KIAA0232: variants seen among roughly 807,000 people sequenced by gnomAD.
The protein encoded by KIAA0232 is uncharacterized protein KIAA0232.
In KIAA0232, 27 loss-of-function variants were observed where a neutral mutation model predicts 122.0. The ratio of observed to expected loss-of-function variants is 0.22; its 90% confidence interval spans 0.16 to 0.31. The LOEUF (loss-of-function observed/expected upper bound fraction) is 0.31, where lower values mean the gene tolerates loss of function less well. KIAA0232 is among the 10% of genes least tolerant of loss of function. The pLI, the probability that KIAA0232 is intolerant of heterozygous loss-of-function variation, is 1.00. For synonymous variants in KIAA0232, 613 were observed against 587.6 expected (o/e 1.04, Z -0.63); for missense variants, 1,551 against 1,634.2 (o/e 0.95, Z 0.88).
At position 6,794,084 on chromosome 4, in the gene KIAA0232, C is replaced by T. The variant is rs145624909; in HGVS notation, c.-353-10439C>T. ...TTTATTGGGGGAATTAAGGGTAAGG[C>T]GAGAGGAAGCAGGAGTAGTATGTAG... On this transcript the variant is annotated intron_variant, in intron 1 of 9. Coordinates refer to ENST00000307659, the MANE Select transcript of KIAA0232 (RefSeq NM_014743.3). Among the ~76,000 whole-genome samples the T allele has an allele frequency of 1.5e-3, 222 of 152,200 alleles. 1 individual carries two copies. The highest frequency in any genetic ancestry group is 0.011 in the South Asian group (51 of 4,814).
intron 1 of KIAA0232, among the ~76,000 whole-genome samples, chr4:6,788,417 TTC>T (rs1220812769): frequency 6.6e-6 from 1 of 152,242 alleles, no homozygotes; most frequent in African/African-American, 2.4e-5. Flanking sequence ...TTCTCTCTCT[TTC>T]TGAGTCTTGG....
chr4:6,822,568 C>T (rs953020924), intron 2 of KIAA0232, among the ~76,000 whole-genome samples: 12 of 152,078 alleles, frequency 7.9e-5, no homozygotes, highest in Non-Finnish European at 2.9e-5. Context: ...CCTTTCATTA[C>T]ATTAGTTTTC....
At chr4:6,859,139 A>G (rs1367779302) in intron 6 of KIAA0232, among the ~76,000 whole-genome samples, 1 of 151,364 alleles carries the variant, frequency 6.6e-6, no homozygotes, top group Non-Finnish European at 1.5e-5. Context: ...AAGAAAAGAA[A>G]TGATTATCCA....
At chr4:6,830,533 G>C (rs1393686642) in intron 3 of KIAA0232, among the ~76,000 whole-genome samples, 30 of 150,438 alleles carry the variant, frequency 2.0e-4, no homozygotes, top group Admixed American at 1.9e-3. Context: ...TTAGGCTCCT[G>C]AGTAGCTAGA....
intron 2 of KIAA0232, among the ~76,000 whole-genome samples, chr4:6,807,307 C>G (rs1000443410): frequency 7.9e-5 from 12 of 152,152 alleles, no homozygotes; most frequent in African/African-American, 2.9e-4. Context: ...AAGTAGTAAT[C>G]TTATCTATAA....
At chr4:6,784,300 G>GT (rs1362459211) in intron 1 of KIAA0232, among the ~76,000 whole-genome samples, 9 of 152,262 alleles carry the variant, frequency 5.9e-5, no homozygotes, top group African/African-American at 2.2e-4. Context: ...GGGACAAGCA[G>GT]TTTTGGTAAT....
intron 3 of KIAA0232, among the ~76,000 whole-genome samples, chr4:6,830,376 C>T (rs927451910): frequency 6.6e-6 from 1 of 150,416 alleles, no homozygotes; most frequent in East Asian, 1.9e-4. Flanking sequence ...ATCAGTGCCC[C>T]GTCTTTTAGC....
chr4:6,868,786 T>C (rs929867441), intron 7 of KIAA0232, among the ~76,000 whole-genome samples: 1 of 152,164 alleles, frequency 6.6e-6, no homozygotes, highest in Non-Finnish European at 1.5e-5. Flanking sequence ...AGTGGAGAGA[T>C]GTCATAACAA....
At position 6,863,367 on chromosome 4, in the gene KIAA0232, A is replaced by G. The variant is rs1235447621; in HGVS notation, c.2985A>G (p.Ser995=). ...GGCAGTTATGGAAACCCTTCGTGTC[A>G]TTTGAACAGAATGATCAGCCGAAGA... ...GHRQLWKPFV[S]FEQNDQPKSG... is the part of the protein sequence containing the mutation. The change falls in exon 7 of 10, where the codon TCA becomes TCG. Residue 995 remains serine (S), a synonymous_variant. Coordinates refer to ENST00000307659, the MANE Select transcript of KIAA0232 (RefSeq NM_014743.3). 1.2e-6 allele frequency: 2 copies of G among 1,614,208 alleles called. No homozygotes were observed. The highest frequency in any genetic ancestry group is 1.7e-6 in the Non-Finnish European group (2 of 1,180,034).
At chr4:6,871,819 T>TGG in intron 8 of KIAA0232, 137 bp downstream of exon 8, 1 of 615,194 alleles carries the variant, frequency 1.6e-6, no homozygotes, top group Non-Finnish European at 2.9e-6. Context: ...TGTCATGCAC[T>TGG]GGGGACACAG....
Position 6,821,040 on chromosome 4 carries a change from A to G in KIAA0232, c.-269-3145A>G, listed in dbSNP as rs546622768. 2.0e-5 allele frequency among the ~76,000 whole-genome samples: 3 copies of G among 152,286 alleles called. No individual in the cohort carries two copies. The East Asian group carries it at 5.8e-4, about 29-fold the overall frequency. The stretch of plus-strand genomic sequence containing the variant: ...CATGAAGTTGGAGCCCTCATGACCT[A>G]ATCACCTCTTAAAGGTCTTACCTCT... On this transcript the variant is annotated intron_variant, in intron 2 of 9. Coordinates refer to ENST00000307659, the MANE Select transcript of KIAA0232 (RefSeq NM_014743.3).
At position 6,861,677 on chromosome 4, in the gene KIAA0232, A is replaced by T; in HGVS notation, c.1295A>T (p.Asp432Val). The change falls in exon 7 of 10, where the codon GAT (aspartate) becomes GTT (valine). Residue 432 changes from aspartate to valine, a missense_variant. Physicochemically the swap from Asp to Val is radical, Grantham distance 152 (BLOSUM62 -3). This residue lies in a region of KIAA0232 where 1,108 missense variants were observed against 1,154.8 expected (regional missense o/e 0.96). Coordinates refer to ENST00000307659, the MANE Select transcript of KIAA0232 (RefSeq NM_014743.3). ...TTYRNRQDTS[D>V]LTSEAVEELS... ...TACCGAAACAGACAGGATACAAGTG[A>T]TCTGACATCAGAGGCAGTGGAAGAA... is the stretch of plus-strand genomic sequence containing the variant. 1.9e-6 allele frequency: 3 copies of T among 1,614,152 alleles called. No homozygotes were observed. Among genetic ancestry groups the T allele is most frequent in the Non-Finnish European group, 2.5e-6 (3 of 1,180,034 alleles).
chr4:6,841,945 C>T (rs1719684251), intron 3 of KIAA0232, 122 bp from the exon 4 acceptor site: 1 of 1,127,674 alleles, frequency 8.9e-7, no homozygotes, highest in African/African-American at 1.6e-5. Flanking sequence ...AATAGACAAG[C>T]CGATCCTAAA....
At chr4:6,853,769 A>G (rs1720421292) in intron 4 of KIAA0232, among the ~76,000 whole-genome samples, 1 of 152,202 alleles carries the variant, frequency 6.6e-6, no homozygotes, top group African/African-American at 2.4e-5. Context: ...ACTAAGGTCC[A>G]AGTTGAGAAG....
chr4:6,834,320 G>C (rs1413091769), intron 3 of KIAA0232, among the ~76,000 whole-genome samples: 1 of 152,070 alleles, frequency 6.6e-6, no homozygotes, highest in East Asian at 1.9e-4. Context: ...GACCATATAG[G>C]TGCCAGGCAT....
At chr4:6,818,399 C>CA (rs34255308) in intron 2 of KIAA0232, among the ~76,000 whole-genome samples, 15,069 of 81,570 alleles carry the variant, frequency 0.18, 1,300 homozygotes, top group East Asian at 0.46. Flanking sequence ...GACTCCGTCT[C>CA]AAAAAAAAAA....
chr4:6,825,427 G>A (rs577724454), intron 3 of KIAA0232, among the ~76,000 whole-genome samples: 2 of 152,192 alleles, frequency 1.3e-5, no homozygotes, highest in South Asian at 4.1e-4. Flanking sequence ...GCATGTGCCT[G>A]TAGTCAGTCC....
chr4:6,791,011 C>T (rs1410062067), intron 1 of KIAA0232, among the ~76,000 whole-genome samples: 4 of 149,580 alleles, frequency 2.7e-5, no homozygotes, highest in South Asian at 2.1e-4. Context: ...CTCCACCTCC[C>T]GGGTTCAAGC....
intron 4 of KIAA0232, among the ~76,000 whole-genome samples, chr4:6,849,162 A>G (rs1168420019): frequency 6.6e-6 from 1 of 152,242 alleles, no homozygotes; most frequent in East Asian, 1.9e-4. Context: ...CAGAGGGCAG[A>G]TTGTGAGCAC....
Sources: gnomAD v4.1 joint callset for allele counts (sites outside exome capture counted in the v4.1 genomes callset) on GRCh38, gnomAD v4.1.1 for gene constraint, gnomAD v4.1.1 regional missense constraint, MANE v1.5 for transcripts, NCBI Gene and HGNC (gene_info 2026-07-23, HGNC 2026-07-21) for gene names.